The following SLC9B1 variants were observed in gnomAD, a reference collection of about 807,000 sequenced individuals.
SLC9B1 encodes the protein sodium/hydrogen exchanger 9B1.
In SLC9B1, 32 loss-of-function variants were observed where a neutral mutation model predicts 51.7. The ratio of observed to expected loss-of-function variants is 0.62; its 90% CI spans 0.47 to 0.83. The LOEUF (loss-of-function observed/expected upper bound fraction) is 0.83. Ranked by LOEUF, SLC9B1 falls within the 40% of genes least tolerant of loss-of-function variation. The pLI is 0.00. For synonymous variants in SLC9B1, 145 were observed against 212.7 expected, an observed-to-expected ratio of 0.68 and a Z score of 2.77; for missense variants, 406 against 613.2, an observed-to-expected ratio of 0.66 and a Z score of 3.57.
intron 11 of SLC9B1, among the ~76,000 whole-genome samples, chr4:102,902,482 C>A (rs1317968260): frequency 6.6e-6 from 1 of 152,054 alleles, no homozygotes; most frequent in Admixed American, 6.6e-5. Context: ...TTGAAAGAAT[C>A]TTACAGTTTA....
intron 7 of SLC9B1, among the ~76,000 whole-genome samples, chr4:102,928,419 C>A (rs1243550717): frequency 1.3e-5 from 2 of 152,190 alleles, no homozygotes; most frequent in East Asian, 1.9e-4. Flanking sequence ...CTGGACTTCA[C>A]TGTCCAAGTC....
At chr4:102,964,749 A>G (rs1738331987) in intron 3 of SLC9B1, among the ~76,000 whole-genome samples, 2 of 152,176 alleles carry the variant, frequency 1.3e-5, no homozygotes, top group South Asian at 4.1e-4. Flanking sequence ...CAACACTCAT[A>G]TATTTAAAAA....
chr4:102,936,773 T>C (rs976413707), intron 6 of SLC9B1, among the ~76,000 whole-genome samples: 5 of 152,126 alleles, frequency 3.3e-5, no homozygotes, highest in African/African-American at 1.2e-4. Context: ...AACATATGAC[T>C]CAAGGCATCA....
At chr4:102,933,347 G>A (rs991457639) in intron 6 of SLC9B1, among the ~76,000 whole-genome samples, 13 of 152,210 alleles carry the variant, frequency 8.5e-5, no homozygotes, top group African/African-American at 2.4e-4. Context: ...CTATGGTGCA[G>A]TTTATGCTAC....
At chr4:102,958,181 G>A (rs1343150679) in intron 3 of SLC9B1, among the ~76,000 whole-genome samples, 1 of 152,212 alleles carries the variant, frequency 6.6e-6, no homozygotes, top group Non-Finnish European at 1.5e-5. Flanking sequence ...CATGGGGGCA[G>A]ATTTCTCCTG....
At chr4:102,982,764 G>A (rs1739424395) in intron 3 of SLC9B1, among the ~76,000 whole-genome samples, 1 of 152,026 alleles carries the variant, frequency 6.6e-6, no homozygotes. Flanking sequence ...CTTAGTAGTT[G>A]TTCCAGGAGT....
chr4:102,994,331 A>C (rs1033429764), intron 1 of SLC9B1, among the ~76,000 whole-genome samples: 1 of 152,196 alleles, frequency 6.6e-6, no homozygotes, highest in Non-Finnish European at 1.5e-5. Context: ...TCTTTGCTAA[A>C]GCATAGCAAG....
chr4:102,948,193 C>T (rs10003326), intron 4 of SLC9B1, among the ~76,000 whole-genome samples: 88,685 of 151,806 alleles, frequency 0.58, 27,480 homozygotes, highest in African/African-American at 0.81. Context: ...ATTTATTCAT[C>T]GTACAATCCA....
At chr4:102,949,178 T>A in intron 4 of SLC9B1, 79 bp downstream of exon 4, 4 of 1,164,204 alleles carry the variant, frequency 3.4e-6, no homozygotes, top group Admixed American at 2.5e-5. Context: ...ATTTCTGAAT[T>A]ATAACTAATT....
chr4:102,985,936 C>T (rs971941815), intron 3 of SLC9B1, among the ~76,000 whole-genome samples: 2 of 152,024 alleles, frequency 1.3e-5, no homozygotes, highest in South Asian at 4.1e-4. Flanking sequence ...CATTCATTTC[C>T]CTTAAACATA....
chr4:102,930,379 C>T (rs1343391806), intron 7 of SLC9B1, among the ~76,000 whole-genome samples: 1 of 151,964 alleles, frequency 6.6e-6, no homozygotes, highest in Non-Finnish European at 1.5e-5. Flanking sequence ...AGAATAGGTA[C>T]AAATATTTCT....
intron 3 of SLC9B1, among the ~76,000 whole-genome samples, chr4:102,955,249 C>T (rs1578377456): frequency 6.6e-6 from 1 of 152,192 alleles, no homozygotes; most frequent in Non-Finnish European, 1.5e-5. Context: ...TCTGCTTTTG[C>T]ATCTTCCTCA....
chr4:102,984,182 T>C (rs1405076453), intron 3 of SLC9B1, among the ~76,000 whole-genome samples: 1 of 152,142 alleles, frequency 6.6e-6, no homozygotes, highest in African/African-American at 2.4e-5. Flanking sequence ...AGTGGTGTGA[T>C]CTTGGCTCAT....
intron 3 of SLC9B1, among the ~76,000 whole-genome samples, chr4:102,978,576 C>A (rs1401161465): frequency 1.3e-5 from 2 of 152,184 alleles, no homozygotes; most frequent in Non-Finnish European, 2.9e-5. Flanking sequence ...CTCAATATCA[C>A]TGGCCATCAA....
chr4:102,975,177 A>C (rs1738986527), intron 3 of SLC9B1, among the ~76,000 whole-genome samples: 1 of 151,934 alleles, frequency 6.6e-6, no homozygotes, highest in Non-Finnish European at 1.5e-5. Context: ...AATTTTAAAA[A>C]AGTTTTTATT....
chr4:102,889,646 C>T (rs1159652137), intron 11 of SLC9B1: 3 of 152,178 alleles, frequency 2.0e-5, no homozygotes, highest in African/African-American at 7.2e-5. Context: ...TTCCCTGCCA[C>T]ATTTTCAGTT....
intron 7 of SLC9B1, among the ~76,000 whole-genome samples, chr4:102,930,990 C>T (rs1246617836): frequency 5.9e-5 from 9 of 151,826 alleles, no homozygotes; most frequent in East Asian, 3.9e-4. Flanking sequence ...TTTGGGAGGC[C>T]GAGGCGGGCG....
downstream of SLC9B1, chr4:102,897,991 T>C (rs1439581272): frequency 5.0e-5 from 20 of 400,152 alleles, 1 homozygote; most frequent in South Asian, 3.6e-4. Flanking sequence ...TGATGGCATC[T>C]GCTCCTCCTC....
intron 11 of SLC9B1, among the ~76,000 whole-genome samples, chr4:102,905,230 TTTA>T (rs1250260003): frequency 2.0e-5 from 3 of 151,518 alleles, no homozygotes; most frequent in African/African-American, 7.3e-5. Context: ...TATTTATTTA[TTTA>T]TTTTTTTGAG....
Sources: gnomAD v4.1 joint callset for allele counts (sites outside exome capture counted in the v4.1 genomes callset) on GRCh38, gnomAD v4.1.1 for gene constraint, MANE v1.5 for transcripts, NCBI Gene and HGNC (gene_info 2026-07-23, HGNC 2026-07-21) for gene names.